Variants in NCR3 observed in about 807,000 individuals in gnomAD.
The protein encoded by NCR3 is natural cytotoxicity triggering receptor 3.
A neutral mutation model predicts 16.1 loss-of-function variants in NCR3; 13 were observed. The observed-to-expected ratio is 0.81, with a 90% CI of 0.53 to 1.28. The LOEUF is 1.28. NCR3 is among the 50% of genes most tolerant of loss of function. The pLI is 0.00. For synonymous variants in NCR3, 98 were observed against 106.6 expected, an observed-to-expected ratio of 0.92 and a Z score of 0.50; for missense variants, 202 against 256.8, an observed-to-expected ratio of 0.79 and a Z score of 1.46.
At chr6:31,592,463 G>A (rs898662231) in intron 1 of NCR3, among the ~76,000 whole-genome samples, 25 of 151,850 alleles carry the variant, frequency 1.6e-4, no homozygotes, top group African/African-American at 5.6e-4. Context: ...GATTTACTTG[G>A]ATCTCTCAAA....
rs1430055698 is a variant in NCR3, at chr6:31,589,391, G to C, written c.496+135C>G. 1 of 1,552,846 alleles carries C rather than the reference G, an allele frequency of 6.4e-7. No individual in the cohort carries two copies. Among genetic ancestry groups the C allele is most frequent in the Admixed American group, 2.0e-5 (1 of 51,044 alleles). The stretch of plus-strand genomic sequence containing the variant: ...GTGTGTTCCCATGTGACAGTGGCCT[G>C]GTCAGAGAGAGGACAGGAGCTGCTC... On this transcript the variant is annotated intron_variant, in intron 3 of 3. Coordinates refer to ENST00000340027, the MANE Select transcript of NCR3 (RefSeq NM_147130.3). The surrounding 1 kb of genome is among the most constrained non-coding windows in gnomAD (Gnocchi z 4.8).
rs772604685 is a variant in NCR3 at position 31,589,545 on chromosome 6, G to A, written c.477C>T (p.Thr159=). Residue 159 remains threonine (T), a synonymous_variant, in exon 3 of 4, where the codon ACC becomes ACT. Coordinates refer to ENST00000340027, the MANE Select transcript of NCR3 (RefSeq NM_147130.3). The surrounding 1 kb of genome is among the most constrained non-coding windows in gnomAD (Gnocchi z 4.8). ...ACTCACATTTGCCCTGGTAATAGAC[G>A]GTGCTGCCCACGGCCACAGAGAGAA... ...VSFLSVAVGS[T]VYYQGKCLTW... The A allele has an allele frequency of 1.4e-5, 22 of 1,613,912 alleles. No individual in the cohort carries two copies. The highest frequency in any genetic ancestry group is 5.3e-5 in the African/African-American group (4 of 74,884).
At position 31,589,815 on chromosome 6, in the gene NCR3, T is replaced by TC. The variant is rs1379240452; in HGVS notation, c.354dup (p.Thr119AspfsTer97). On this transcript the variant is annotated frameshift_variant, in exon 2 of 4. Transcript: ENST00000340027. LOFTEE classifies it high-confidence loss of function. This position sits in a 1 kb window ranked among gnomAD's most constrained non-coding sequence, Gnocchi z 4.8. ...ACCACCAGCCGAGTCCCATTCCCTGTCCCGACACCAAGGCCCAGCACCTCC... is the reference window on the plus strand; with the variant it reads ...ACCACCAGCCGAGTCCCATTCCCTGTCCCCGACACCAAGGCCCAGCACCTCC... 6.2e-7 allele frequency: 1 copy of TC among 1,612,898 alleles called. No individual in the cohort carries two copies. The highest frequency in any genetic ancestry group is 1.1e-5 in the South Asian group (1 of 91,072).
rs1562503580 is a variant in NCR3, at chr6:31,589,479, C to T, written c.496+47G>A. On this transcript the variant is annotated intron_variant, in intron 3 of 3. Transcript: ENST00000340027. The surrounding 1 kb of genome is among the most constrained non-coding windows in gnomAD (Gnocchi z 4.8). ...TGTCCTCCCTCCTCCCACTCTCTTA[C>T]TGCCCCTCCCATCCCGTCCACTATT... The T allele has an allele frequency of 4.4e-6, 7 of 1,607,534 alleles. No homozygotes were observed. The highest frequency in any genetic ancestry group is 6.0e-6 in the Non-Finnish European group (7 of 1,175,592).
chr6:31,592,181 C>T (rs1389200266), intron 1 of NCR3, among the ~76,000 whole-genome samples: 6 of 151,216 alleles, frequency 4.0e-5, no homozygotes, highest in Admixed American at 4.0e-4. Flanking sequence ...ATCTAGGAGG[C>T]AGAGGTTGCA....
chr6:31,589,344 G>T lies in NCR3; in HGVS notation c.497-168C>A. The stretch of plus-strand genomic sequence containing the variant: ...CATCTGGGCTCTGGAATCACTCCTC[G>T]GGGCCCATCTGAGGAGTGGCAGTGT... On this transcript the variant is annotated intron_variant, in intron 3 of 3. Transcript: ENST00000340027. The surrounding 1 kb of genome is among the most constrained non-coding windows in gnomAD (Gnocchi z 4.8). The T allele has an allele frequency of 6.4e-7, 1 of 1,552,270 alleles. No individual in the cohort carries two copies. The highest frequency in any genetic ancestry group is 1.2e-5 in the South Asian group (1 of 84,098).
Position 31,592,976 on chromosome 6 carries a change from C to T in NCR3, c.-255G>A, listed in dbSNP as rs1484850795. On this transcript the variant is annotated 5_prime_UTR_variant, in exon 1 of 4. Coordinates refer to ENST00000340027, the MANE Select transcript of NCR3 (RefSeq NM_147130.3). ...CAGGGTCTCTAGGAGGCCAAGGGGC[C>T]AGCTTGTGGCAGGCTAGCTAAGCGT... 3.8e-5 allele frequency: 22 copies of T among 579,200 alleles called. No individual in the cohort carries two copies. The Admixed American group carries it at 5.8e-4, about 15-fold the overall frequency. 35.9% of individuals were successfully genotyped at this position (579,200 alleles called of 1,614,324 possible). A position where few individuals can be genotyped will look rare whatever the true frequency, so the allele number is the denominator to read the frequency against.
chr6:31,589,382 C>T lies in NCR3; in HGVS notation c.496+144G>A. On this transcript the variant is annotated intron_variant, in intron 3 of 3. Transcript: ENST00000340027. The surrounding 1 kb of genome is among the most constrained non-coding windows in gnomAD (Gnocchi z 4.8). Reference sequence around the variant, plus strand: ...GGAGTGGCAGTGTGTTCCCATGTGACAGTGGCCTGGTCAGAGAGAGGACAG... The same window carrying T: ...GGAGTGGCAGTGTGTTCCCATGTGATAGTGGCCTGGTCAGAGAGAGGACAG... 1.3e-6 allele frequency: 2 copies of T among 1,552,634 alleles called. No homozygotes were observed. Among genetic ancestry groups the T allele is most frequent in the Non-Finnish European group, 1.7e-6 (2 of 1,147,298 alleles).
At chr6:31,591,482 G>A (rs1772628682) in intron 1 of NCR3, among the ~76,000 whole-genome samples, 1 of 152,214 alleles carries the variant, frequency 6.6e-6, no homozygotes, top group South Asian at 2.1e-4. Context: ...CCTGCATTTA[G>A]TTAATAATAT....
Position 31,590,084 on chromosome 6 carries a change from G to T in NCR3, c.86C>A (p.Thr29Asn). The T allele has an allele frequency of 6.2e-7, 1 of 1,612,788 alleles. No individual in the cohort carries two copies. The highest frequency in any genetic ancestry group is 8.5e-7 in the Non-Finnish European group (1 of 1,179,900). The change falls in exon 2 of 4, where the codon ACC becomes AAC. Residue 29 changes from threonine to asparagine, a missense_variant. Thr to Asn is a moderately conservative substitution (Grantham distance 65). Transcript: ENST00000340027. ...CAGGAAGGCAGAGGATCCTTCCAGG[G>T]TACGAATCTCAGGGGGCTGGGACAC... ...LWVSQPPEIR[T>N]LEGSSAFLPC...
Position 31,588,920 on chromosome 6 carries a change from A to T in NCR3, c.*147T>A. On this transcript the variant is annotated 3_prime_UTR_variant, in exon 4 of 4. Transcript: ENST00000340027. ...TCACCCTTCCACCCACTCTGGGGTCAAATAGTAATTTATTGGGTGAATGAC... is the reference window on the plus strand; with the variant it reads ...TCACCCTTCCACCCACTCTGGGGTCTAATAGTAATTTATTGGGTGAATGAC... 1.0e-6 allele frequency: 1 copy of T among 998,858 alleles called. No homozygotes were observed. Among genetic ancestry groups the T allele is most frequent in the Non-Finnish European group, 1.4e-6 (1 of 690,274 alleles). 61.9% of individuals were successfully genotyped at this position (998,858 alleles called of 1,614,324 possible). A position where few individuals can be genotyped will look rare whatever the true frequency, so the allele number is the denominator to read the frequency against.
chr6:31,589,117 G>A lies in NCR3; in HGVS notation c.556C>T (p.Pro186Ser), dbSNP rs1488695650. Residue 186 changes from proline (P) to serine (S), a missense_variant, in exon 4 of 4, where the codon CCA (proline) becomes TCA (serine). Coordinates refer to ENST00000340027, the MANE Select transcript of NCR3 (RefSeq NM_147130.3). The surrounding 1 kb of genome is among the most constrained non-coding windows in gnomAD (Gnocchi z 4.8). ...AGATGTGCTGAGCTCCCACATGGTG[G>A]TGGGAGGGGCGCTGGGACCACAGCC... ...LPAVVPAPLPPPCGSSAHLLP... is the reference protein window; with the variant it reads ...LPAVVPAPLPSPCGSSAHLLP... 4 of 1,612,476 alleles carry A rather than the reference G, an allele frequency of 2.5e-6. No individual in the cohort carries two copies. Among genetic ancestry groups the A allele is most frequent in the Middle Eastern group, 1.7e-4 (1 of 6,052 alleles).
chr6:31,592,253 A>G (rs1772686350), intron 1 of NCR3, among the ~76,000 whole-genome samples: 1 of 151,626 alleles, frequency 6.6e-6, no homozygotes, highest in Non-Finnish European at 1.5e-5. Flanking sequence ...CCGTCTCAAA[A>G]AAAAAAAAAA....
At position 31,589,953 on chromosome 6, in the gene NCR3, A is replaced by G. The variant is rs749092151; in HGVS notation, c.217T>C (p.Phe73Leu). ...GCAAGTGGGGCCAGGCGGCCCCTGA[A>G]CTCTGGGGTTCCATTCCTCACCTCC... ...GKEVRNGTPE[F>L]RGRLAPLASS... The change falls in exon 2 of 4, where the codon TTC becomes CTC. Residue 73 changes from phenylalanine to leucine, a missense_variant. Transcript: ENST00000340027. The surrounding 1 kb of genome is among the most constrained non-coding windows in gnomAD (Gnocchi z 4.8). The G allele has an allele frequency of 3.1e-6, 5 of 1,612,908 alleles. No individual in the cohort carries two copies. Among genetic ancestry groups the G allele is most frequent in the Non-Finnish European group, 4.2e-6 (5 of 1,180,026 alleles).
rs62395785 is a variant in NCR3 at position 31,592,058 on chromosome 6, C to T, written c.43+621G>A. 2.6e-3 allele frequency among the ~76,000 whole-genome samples: 398 copies of T among 151,964 alleles called. 1 individual carries two copies. Among genetic ancestry groups the T allele is most frequent in the African/African-American group, 8.5e-3 (352 of 41,450 alleles). On this transcript the variant is annotated intron_variant, in intron 1 of 3. Coordinates refer to ENST00000340027, the MANE Select transcript of NCR3 (RefSeq NM_147130.3). ...TGAGGTCAGGAGTTCAAGACCAGCC[C>T]GGCCAACATGGTAAAACCCTGTCTC... is the stretch of plus-strand genomic sequence containing the variant.
intron 1 of NCR3, among the ~76,000 whole-genome samples, chr6:31,590,572 AGCCTGG>A (rs1371108538): frequency 1.3e-5 from 2 of 152,162 alleles, no homozygotes; most frequent in Non-Finnish European, 2.9e-5. Flanking sequence ...ATTGCACTCC[AGCCTGG>A]GCGACAAAGC....
Position 31,589,384 on chromosome 6 carries a change from G to C in NCR3, c.496+142C>G, listed in dbSNP as rs569499748. The C allele has an allele frequency of 8.9e-5, 138 of 1,552,730 alleles. No homozygotes were observed. In the South Asian group the frequency reaches 1.1e-3, roughly 13 times the overall value. On this transcript the variant is annotated intron_variant, in intron 3 of 3. Transcript: ENST00000340027. This position sits in a 1 kb window ranked among gnomAD's most constrained non-coding sequence, Gnocchi z 4.8. Reference sequence around the variant, plus strand: ...AGTGGCAGTGTGTTCCCATGTGACAGTGGCCTGGTCAGAGAGAGGACAGGA... The same window carrying C: ...AGTGGCAGTGTGTTCCCATGTGACACTGGCCTGGTCAGAGAGAGGACAGGA...
rs759304037 is a variant in NCR3 at position 31,589,684 on chromosome 6, A to G, written c.389-51T>C. On this transcript the variant is annotated intron_variant, in intron 2 of 3. Transcript: ENST00000340027. The surrounding 1 kb of genome is among the most constrained non-coding windows in gnomAD (Gnocchi z 4.8). Reference sequence around the variant, plus strand: ...TTGGGGAAGAAGTGCACACAGGCTCAGGGAGGGAAGGGGCCTCAGAGGAGC... The same window carrying G: ...TTGGGGAAGAAGTGCACACAGGCTCGGGGAGGGAAGGGGCCTCAGAGGAGC... 1 of 1,608,968 alleles carries G rather than the reference A, an allele frequency of 6.2e-7. No individual in the cohort carries two copies. Among genetic ancestry groups the G allele is most frequent in the Non-Finnish European group, 8.5e-7 (1 of 1,176,698 alleles).
At position 31,590,009 on chromosome 6, in the gene NCR3, G is replaced by A. The variant is rs141698002; in HGVS notation, c.161C>T (p.Thr54Met). The A allele has an allele frequency of 2.5e-5, 40 of 1,612,936 alleles. No homozygotes were observed. Among genetic ancestry groups the A allele is most frequent in the South Asian group, 3.3e-5 (3 of 91,082 alleles). ...SQGRLAIGSV[T>M]WFRDEVVPGK... ...TGGAACCACCTCATCTCGGAACCACGTGACGGAGCCAATGGCCAGTCTCCC... is the reference window on the plus strand; with the variant it reads ...TGGAACCACCTCATCTCGGAACCACATGACGGAGCCAATGGCCAGTCTCCC... The change falls in exon 2 of 4, where the codon ACG becomes ATG. Residue 54 changes from threonine to methionine, a missense_variant. Thr to Met is a moderately conservative substitution (Grantham distance 81). Coordinates refer to ENST00000340027, the MANE Select transcript of NCR3 (RefSeq NM_147130.3).
Sources: allele counts gnomAD v4.1 joint callset (sites outside exome capture counted in the v4.1 genomes callset), GRCh38; gene constraint gnomAD v4.1.1; non-coding constraint Gnocchi (gnomAD v3.1); transcripts MANE v1.5; gene names NCBI Gene and HGNC (gene_info 2026-07-23, HGNC 2026-07-21).